Variants in PCDH17 observed in about 807,000 individuals in gnomAD.
PCDH17 encodes the protein protocadherin 17, also known as protocadherin-17.
A neutral mutation model predicts 67.7 loss-of-function variants in PCDH17; 21 were observed. The observed-to-expected ratio is 0.31, with a 90% CI of 0.22 to 0.45. The LOEUF (loss-of-function observed/expected upper bound fraction) is 0.45, where lower values mean the gene tolerates loss of function less well. PCDH17 is among the 20% of genes least tolerant of loss of function. PCDH17 has a pLI of 1.00. For missense variants in PCDH17, 1,471 were observed against 1,564.8 expected (o/e 0.94, Z 1.01); for synonymous variants, 701 against 656.7 (o/e 1.07, Z -1.03).
intron 1 of PCDH17, among the ~76,000 whole-genome samples, chr13:57,638,158 T>C (rs562761692): frequency 1.3e-5 from 2 of 152,116 alleles, no homozygotes; most frequent in South Asian, 2.1e-4. Flanking sequence ...ACAGGTTTTG[T>C]AGTACATAAG....
In PCDH17 at chr13:57,633,885, G is replaced by A. The variant is rs770772846; in HGVS notation, c.1339G>A (p.Gly447Arg). 3.7e-6 allele frequency: 6 copies of A among 1,613,006 alleles called. No individual in the cohort carries two copies. Among genetic ancestry groups the A allele is most frequent in the South Asian group, 1.1e-5 (1 of 91,086 alleles). The part of the protein sequence containing the change: ...EYNVTIVARD[G>R]GSPPLNSTKS... Reference sequence around the variant, plus strand: ...CAACGTGACCATCGTGGCGCGGGACGGGGGCTCTCCTCCCCTCAACTCCAC... The same window carrying A: ...CAACGTGACCATCGTGGCGCGGGACAGGGGCTCTCCTCCCCTCAACTCCAC... The change falls in exon 1 of 4, where the codon GGG becomes AGG. Residue 447 changes from glycine (G) to arginine (R), a missense_variant. By Grantham distance (125) the Gly-to-Arg change is moderately radical. Around this residue, in one of 3 missense-constraint regions of PCDH17, gnomAD observed 1,163 missense variants for 1,230.0 expected, o/e 0.95. Transcript: ENST00000377918. This position sits in a 1 kb window ranked among gnomAD's most constrained non-coding sequence, Gnocchi z 6.2.
chr13:57,653,858 G>A (rs904709739), intron 1 of PCDH17, among the ~76,000 whole-genome samples: 5 of 152,028 alleles, frequency 3.3e-5, no homozygotes, highest in African/African-American at 1.2e-4. Flanking sequence ...TGTTCCCATG[G>A]CGGTACTGTT....
At chr13:57,683,980 A>T (rs1955482839) in intron 3 of PCDH17, among the ~76,000 whole-genome samples, 2 of 151,632 alleles carry the variant, frequency 1.3e-5, no homozygotes, top group South Asian at 4.2e-4. Context: ...CACATATTAA[A>T]TAGTTTCTAA....
intron 3 of PCDH17, among the ~76,000 whole-genome samples, chr13:57,668,108 A>C (rs1003306901): frequency 2.6e-5 from 4 of 151,958 alleles, no homozygotes; most frequent in Admixed American, 6.6e-5. Context: ...TTTTAACAAA[A>C]GCAATGTGAA....
At chr13:57,690,664 A>G (rs1344692420) in intron 3 of PCDH17, among the ~76,000 whole-genome samples, 11 of 151,654 alleles carry the variant, frequency 7.3e-5, no homozygotes, top group African/African-American at 2.7e-4. Context: ...TATTTAATGT[A>G]TACTTATGAT....
chr13:57,693,314 T>TAATATATATATATATATA (rs1442107442), intron 3 of PCDH17, among the ~76,000 whole-genome samples: 1 of 41,318 alleles, frequency 2.4e-5, no homozygotes, highest in Non-Finnish European at 4.6e-5. Flanking sequence ...TCACTTACAT[T>TAATATATATATATATATA]CATATATATA....
At chr13:57,630,284 C>T (rs1261071808), upstream of PCDH17, among the ~76,000 whole-genome samples, 1 of 151,718 alleles carries the variant, frequency 6.6e-6, no homozygotes, top group Non-Finnish European at 1.5e-5. Context: ...GCATATCTTT[C>T]TCAGACTGTG....
At chr13:57,637,108 A>T (rs1954832936) in intron 1 of PCDH17, among the ~76,000 whole-genome samples, 2 of 152,140 alleles carry the variant, frequency 1.3e-5, no homozygotes, top group South Asian at 4.1e-4. Flanking sequence ...CAAAGCAAAT[A>T]CACACGTGCG....
Position 57,696,631 on chromosome 13 carries a change from A to G in PCDH17, c.2798-27981A>G, listed in dbSNP as rs530002656. The stretch of plus-strand genomic sequence containing the variant: ...ATTAAAATATACCATATTTTAAAAT[A>G]CATTTCAAAGAATTAGTAATAAAAT... On this transcript the variant is annotated intron_variant, in intron 3 of 3. Coordinates refer to ENST00000377918, the MANE Select transcript of PCDH17 (RefSeq NM_001040429.3). Among the ~76,000 whole-genome samples, 7 of 151,630 alleles carry G rather than the reference A, an allele frequency of 4.6e-5. No homozygotes were observed. The South Asian group carries it at 1.2e-3, about 27-fold the overall frequency.
intron 3 of PCDH17, among the ~76,000 whole-genome samples, chr13:57,674,657 C>T (rs1315080312): frequency 6.6e-6 from 1 of 151,826 alleles, no homozygotes; most frequent in Admixed American, 6.6e-5. Flanking sequence ...AAATCATGCA[C>T]TATTATTAAG....
intron 3 of PCDH17, among the ~76,000 whole-genome samples, chr13:57,679,607 G>T (rs909940505): frequency 2.6e-5 from 4 of 151,370 alleles, no homozygotes; most frequent in African/African-American, 9.7e-5. Flanking sequence ...GTCTGCCCTA[G>T]ATTTTATTTT....
At chr13:57,672,487 C>T (rs1955334222) in intron 3 of PCDH17, among the ~76,000 whole-genome samples, 1 of 151,792 alleles carries the variant, frequency 6.6e-6, no homozygotes, top group African/African-American at 2.4e-5. Context: ...GAAATGAAAC[C>T]GATTAAGAAA....
chr13:57,649,765 T>A (rs2137997531), intron 1 of PCDH17, among the ~76,000 whole-genome samples: 1 of 152,308 alleles, frequency 6.6e-6, no homozygotes, highest in Non-Finnish European at 1.5e-5. Flanking sequence ...CACCATTTTA[T>A]ATTTGTGATA....
At chr13:57,651,568 T>G (rs2807631) in intron 1 of PCDH17, among the ~76,000 whole-genome samples, 108,819 of 151,576 alleles carry the variant, frequency 0.72, 39,459 homozygotes, top group South Asian at 0.79. Context: ...AAACTCCAGG[T>G]CTCAAGCCAT....
chr13:57,686,666 G>A (rs1288045105), intron 3 of PCDH17, among the ~76,000 whole-genome samples: 2 of 151,878 alleles, frequency 1.3e-5, no homozygotes, highest in Non-Finnish European at 2.9e-5. Context: ...GTAATTTAGA[G>A]AAGAGATATA....
chr13:57,710,896 A>G (rs868331623), intron 3 of PCDH17, among the ~76,000 whole-genome samples: 22 of 151,956 alleles, frequency 1.4e-4, no homozygotes, highest in African/African-American at 5.3e-4. Flanking sequence ...AGACAAGGTT[A>G]TAGTTGGGAA....
intron 3 of PCDH17, among the ~76,000 whole-genome samples, chr13:57,693,924 A>G (rs970293279): frequency 1.1e-4 from 17 of 150,172 alleles, no homozygotes. Flanking sequence ...AATACTTCCA[A>G]CTTACACATT....
chr13:57,633,714 C>T lies in PCDH17; in HGVS notation c.1168C>T (p.Arg390Trp), dbSNP rs1328120865. ...TGGCAAGAACGGACAGCTGCAGTGT[C>T]GGGTCCTAGGCGGAGGAGGGACGGG... ...DSGKNGQLQC[R>W]VLGGGGTGGG... is the part of the protein sequence containing the mutation. Residue 390 changes from arginine to tryptophan, a missense_variant, in exon 1 of 4, where the codon CGG (arginine) becomes TGG (tryptophan). By Grantham distance (101) the Arg-to-Trp change is moderately radical. Coordinates refer to ENST00000377918, the MANE Select transcript of PCDH17 (RefSeq NM_001040429.3). The surrounding 1 kb of genome is among the most constrained non-coding windows in gnomAD (Gnocchi z 6.2). 3.3e-5 allele frequency: 51 copies of T among 1,566,290 alleles called. No individual in the cohort carries two copies. The highest frequency in any genetic ancestry group is 4.4e-5 in the Non-Finnish European group (51 of 1,157,696).
chr13:57,637,798 A>C (rs1006109317), intron 1 of PCDH17, among the ~76,000 whole-genome samples: 13 of 152,046 alleles, frequency 8.6e-5, no homozygotes, highest in Admixed American at 2.6e-4. Context: ...TGATTTATGA[A>C]GCTCACATTA....
Sources: allele counts gnomAD v4.1 joint callset (sites outside exome capture counted in the v4.1 genomes callset), GRCh38; gene constraint gnomAD v4.1.1; regional missense constraint gnomAD v4.1.1; non-coding constraint Gnocchi (gnomAD v3.1); transcripts MANE v1.5; gene names NCBI Gene and HGNC (gene_info 2026-07-23, HGNC 2026-07-21).